VAV3: variants seen among roughly 807,000 people sequenced by gnomAD.
VAV3 encodes the protein guanine nucleotide exchange factor VAV3.
Under a neutral mutation model 131.2 loss-of-function variants are expected in VAV3, and 94 were observed. The ratio of observed to expected loss-of-function variants is 0.72; its 90% CI spans 0.61 to 0.85. The LOEUF (loss-of-function observed/expected upper bound fraction) is 0.85, where lower values mean the gene tolerates loss of function less well. VAV3 is among the 40% of genes least tolerant of loss of function. The pLI is 0.00. For synonymous variants in VAV3, 349 were observed against 342.0 expected, an observed-to-expected ratio of 1.02 and a Z score of -0.22; for missense variants, 939 against 1,002.7, an observed-to-expected ratio of 0.94 and a Z score of 0.86.
chr1:107,946,360 G>A (rs7525454), intron 1 of VAV3, among the ~76,000 whole-genome samples: 4,620 of 152,226 alleles, frequency 0.03, 170 homozygotes, highest in African/African-American at 0.085. Flanking sequence ...TAAGTAATCC[G>A]TACAAAGTCA....
intron 17 of VAV3, among the ~76,000 whole-genome samples, chr1:107,698,606 G>C (rs913660218): frequency 9.2e-5 from 14 of 152,290 alleles, no homozygotes; most frequent in African/African-American, 3.4e-4. Flanking sequence ...GCACTAAATA[G>C]GGGTATTTGC....
intron 4 of VAV3, among the ~76,000 whole-genome samples, chr1:107,775,330 C>T (rs1665291915): frequency 6.6e-6 from 1 of 152,072 alleles, no homozygotes; most frequent in Non-Finnish European, 1.5e-5. Flanking sequence ...CCTGTAGTCC[C>T]AGCACGTTGG....
intron 15 of VAV3, among the ~76,000 whole-genome samples, chr1:107,732,176 T>C (rs1324318397): frequency 6.6e-6 from 1 of 152,214 alleles, no homozygotes; most frequent in Admixed American, 6.5e-5. Flanking sequence ...TTCATATACC[T>C]TGCAATTTAT....
chr1:107,782,334 T>TC (rs1557843769), intron 2 of VAV3, among the ~76,000 whole-genome samples: 1 of 151,970 alleles, frequency 6.6e-6, no homozygotes, highest in African/African-American at 2.4e-5. Flanking sequence ...TGACAACCCC[T>TC]CCCCTACACA....
chr1:107,630,767 G>A (rs553381205), intron 20 of VAV3, among the ~76,000 whole-genome samples: 16 of 152,032 alleles, frequency 1.1e-4, no homozygotes, highest in Admixed American at 9.8e-4. Flanking sequence ...ACATAAAAGG[G>A]GCCACTGTAA....
At chr1:107,742,656 G>GC (rs1384548467) in intron 15 of VAV3, among the ~76,000 whole-genome samples, 2 of 152,036 alleles carry the variant, frequency 1.3e-5, no homozygotes, top group Non-Finnish European at 1.5e-5. Context: ...GATCCACGAG[G>GC]CTTTCTTTTC....
intron 15 of VAV3, among the ~76,000 whole-genome samples, chr1:107,741,649 T>A (rs6583043): frequency 0.3 from 44,921 of 151,816 alleles, 6,931 homozygotes; most frequent in African/African-American, 0.38. Flanking sequence ...AAAAAATATA[T>A]ACACACACAC....
At chr1:107,764,263 C>T (rs766371203) in intron 9 of VAV3, among the ~76,000 whole-genome samples, 1 of 152,134 alleles carries the variant, frequency 6.6e-6, no homozygotes, top group Non-Finnish European at 1.5e-5. Flanking sequence ...TTCAGGAATG[C>T]TCTCCATAGA....
At chr1:107,878,116 G>C (rs528483824) in intron 1 of VAV3, among the ~76,000 whole-genome samples, 2 of 152,128 alleles carry the variant, frequency 1.3e-5, no homozygotes, top group South Asian at 4.1e-4. Flanking sequence ...TTGCAACATA[G>C]TGCCATATAT....
At chr1:107,765,012 A>C (rs1186688591) in intron 9 of VAV3, 64 bp downstream of exon 9, 2 of 1,062,874 alleles carry the variant, frequency 1.9e-6, no homozygotes, top group East Asian at 2.4e-5. Flanking sequence ...ACTGATCATA[A>C]AGAGGAACAC....
At chr1:107,635,106 A>C (rs533762657) in intron 20 of VAV3, among the ~76,000 whole-genome samples, 14 of 152,158 alleles carry the variant, frequency 9.2e-5, no homozygotes, top group Middle Eastern at 3.4e-3. Context: ...TTGACCCAGC[A>C]ATCCCATTAC....
chr1:107,763,058 A>C (rs1416328351), intron 9 of VAV3, among the ~76,000 whole-genome samples: 1 of 152,220 alleles, frequency 6.6e-6, no homozygotes, highest in Non-Finnish European at 1.5e-5. Context: ...AACAGAAGAC[A>C]CAAAGAAGGC....
chr1:107,722,400 A>G (rs1280169016), intron 15 of VAV3, among the ~76,000 whole-genome samples: 2 of 152,228 alleles, frequency 1.3e-5, no homozygotes, highest in East Asian at 1.9e-4. Flanking sequence ...AAACTCCCAA[A>G]TGAGGCAAAA....
At chr1:107,954,662 T>A (rs553839597) in intron 1 of VAV3, among the ~76,000 whole-genome samples, 5 of 151,416 alleles carry the variant, frequency 3.3e-5, no homozygotes, top group Non-Finnish European at 7.4e-5. Flanking sequence ...TGAGGCAAAA[T>A]TTTAACTCAA....
intron 2 of VAV3, among the ~76,000 whole-genome samples, chr1:107,855,192 A>T (rs1031111175): frequency 6.6e-6 from 1 of 152,208 alleles, no homozygotes; most frequent in African/African-American, 2.4e-5. Flanking sequence ...ACCCCAAAAC[A>T]AGAAGAAATG....
At chr1:107,935,064 G>A (rs112717784) in intron 1 of VAV3, among the ~76,000 whole-genome samples, 239 of 152,202 alleles carry the variant, frequency 1.6e-3, no homozygotes, top group East Asian at 9.5e-3. Context: ...GCAAGTTTCC[G>A]GTTGGCAAAC....
intron 19 of VAV3, among the ~76,000 whole-genome samples, chr1:107,651,242 TG>T (rs1161981160): frequency 6.6e-6 from 1 of 152,170 alleles, no homozygotes; most frequent in Non-Finnish European, 1.5e-5. Context: ...TATGGTATTT[TG>T]TTGGAGCAGC....
chr1:107,642,794 A>G (rs375957410), intron 19 of VAV3, 39 bp from the exon 20 acceptor site: 128 of 1,612,154 alleles, frequency 7.9e-5, no homozygotes, highest in Non-Finnish European at 1.0e-4. Flanking sequence ...TTGAGAAAAC[A>G]ATGATGCATG....
intron 6 of VAV3, among the ~76,000 whole-genome samples, chr1:107,768,817 T>C (rs11589481): frequency 6.6e-6 from 1 of 152,210 alleles, no homozygotes; most frequent in Non-Finnish European, 1.5e-5. Flanking sequence ...TGGCAACATT[T>C]TGGAGATGTA....
Sources: allele counts gnomAD v4.1 joint callset (sites outside exome capture counted in the v4.1 genomes callset), GRCh38; gene constraint gnomAD v4.1.1; transcripts MANE v1.5; gene names NCBI Gene and HGNC (gene_info 2026-07-23, HGNC 2026-07-21).